Variants in CNTN3 observed in about 807,000 individuals in gnomAD.
CNTN3 encodes the protein contactin-3.
In CNTN3, 60 loss-of-function variants were observed where a neutral mutation model predicts 119.1. The observed-to-expected ratio is 0.50, with a 90% CI of 0.41 to 0.62. CNTN3 has a LOEUF of 0.62. Ranked by LOEUF, CNTN3 falls within the 20% of genes least tolerant of loss-of-function variation. The pLI, the probability that CNTN3 is intolerant of heterozygous loss-of-function variation, is 0.00. For missense variants in CNTN3, 1,101 were observed against 1,242.4 expected (o/e 0.89, Z 1.71); for synonymous variants, 450 against 438.7 (o/e 1.03, Z -0.32).
At chr3:74,490,766 G>T (rs549194671) in intron 3 of CNTN3, among the ~76,000 whole-genome samples, 1 of 152,126 alleles carries the variant, frequency 6.6e-6, no homozygotes, top group Non-Finnish European at 1.5e-5. Context: ...AAAAGGCAAA[G>T]ACTATTATTT....
At chr3:74,500,540 T>C in intron 2 of CNTN3, among the ~76,000 whole-genome samples, 1 of 151,230 alleles carries the variant, frequency 6.6e-6, no homozygotes. Flanking sequence ...ACTTTCCTAT[T>C]TTGCTTGGAA....
Position 74,582,328 on chromosome 3 carries a change from C to G in CNTN3, c.-81+32063G>C, listed in dbSNP as rs535386251. Among the ~76,000 whole-genome samples, 6 of 152,006 alleles carry G rather than the reference C, an allele frequency of 3.9e-5. No homozygotes were observed. The South Asian group carries it at 1.2e-3, about 32-fold the overall frequency. On this transcript the variant is annotated intron_variant, in intron 1 of 22. Coordinates refer to ENST00000263665, the MANE Select transcript of CNTN3 (RefSeq NM_020872.3). ...GGCTGAGGCAGGAGAACGGCATGAA[C>G]CCGGGAGGCAGAGGCTGCAGTGAGC...
At chr3:74,329,475 A>T (rs1039339868) in intron 13 of CNTN3, among the ~76,000 whole-genome samples, 7 of 152,350 alleles carry the variant, frequency 4.6e-5, no homozygotes, top group Non-Finnish European at 8.8e-5. Context: ...ATATTTAAAC[A>T]TCCTTACAAT....
chr3:74,346,966 C>T (rs1054536971), intron 11 of CNTN3, among the ~76,000 whole-genome samples: 5 of 152,122 alleles, frequency 3.3e-5, no homozygotes, highest in Admixed American at 6.5e-5. Context: ...GAAAATTATA[C>T]GTACTTTTAA....
At chr3:74,313,739 A>C (rs1281427871) in intron 13 of CNTN3, among the ~76,000 whole-genome samples, 1 of 152,148 alleles carries the variant, frequency 6.6e-6, no homozygotes, top group Non-Finnish European at 1.5e-5. Context: ...CTGGATGGCA[A>C]AGCTGGCCTT....
chr3:74,398,506 G>A (rs988305869), intron 5 of CNTN3, among the ~76,000 whole-genome samples: 8 of 152,304 alleles, frequency 5.3e-5, no homozygotes, highest in African/African-American at 1.4e-4. Flanking sequence ...ATATGCATTA[G>A]GAAGCCAAAA....
chr3:74,443,612 G>T (rs555531533), intron 4 of CNTN3, among the ~76,000 whole-genome samples: 25 of 152,204 alleles, frequency 1.6e-4, no homozygotes, highest in Middle Eastern at 3.4e-3. Flanking sequence ...CAGTCAGATG[G>T]AAGTCCTTTC....
chr3:74,469,592 T>G (rs1702523178), intron 4 of CNTN3, among the ~76,000 whole-genome samples: 2 of 152,070 alleles, frequency 1.3e-5, no homozygotes, highest in East Asian at 3.9e-4. Context: ...AGTAAACACA[T>G]GAAAACAAGC....
At chr3:74,595,116 T>C (rs1288108063) in intron 1 of CNTN3, among the ~76,000 whole-genome samples, 1 of 151,954 alleles carries the variant, frequency 6.6e-6, no homozygotes, top group East Asian at 1.9e-4. Flanking sequence ...TGTCTGTTCA[T>C]ATACTTTGCC....
At chr3:74,328,734 T>A (rs1479327047) in intron 13 of CNTN3, among the ~76,000 whole-genome samples, 1 of 152,144 alleles carries the variant, frequency 6.6e-6, no homozygotes, top group Non-Finnish European at 1.5e-5. Flanking sequence ...ATCAACAGTT[T>A]TGTGTATTAC....
At chr3:74,386,593 T>C (rs1435467734) in intron 5 of CNTN3, among the ~76,000 whole-genome samples, 10 of 152,158 alleles carry the variant, frequency 6.6e-5, no homozygotes, top group Admixed American at 5.2e-4. Context: ...CAAAGCAAAT[T>C]AAAAGCAACA....
At chr3:74,343,438 T>G (rs1196534496) in intron 11 of CNTN3, among the ~76,000 whole-genome samples, 7 of 152,240 alleles carry the variant, frequency 4.6e-5, no homozygotes, top group African/African-American at 1.7e-4. Flanking sequence ...ACTCCAGTGA[T>G]TGTCCTTCTA....
chr3:74,318,137 T>G (rs1702881850), intron 13 of CNTN3, among the ~76,000 whole-genome samples: 1 of 152,232 alleles, frequency 6.6e-6, no homozygotes, highest in Admixed American at 6.5e-5. Context: ...CATCAGCTCC[T>G]GAGGTTTCTG....
chr3:74,428,520 T>C (rs901561229), intron 4 of CNTN3, among the ~76,000 whole-genome samples: 1 of 152,196 alleles, frequency 6.6e-6, no homozygotes, highest in Non-Finnish European at 1.5e-5. Context: ...AAAAAGCTTA[T>C]TGAATAAGTG....
chr3:74,499,904 A>G, intron 2 of CNTN3, 119 bp from the exon 3 acceptor site: 1 of 925,896 alleles, frequency 1.1e-6, no homozygotes, highest in Non-Finnish European at 1.6e-6. Context: ...ATTTGCATAC[A>G]AAGCAAAATG....
At chr3:74,456,753 C>T (rs1702277532) in intron 4 of CNTN3, among the ~76,000 whole-genome samples, 2 of 152,032 alleles carry the variant, frequency 1.3e-5, no homozygotes, top group Admixed American at 1.3e-4. Flanking sequence ...TAAAAAATTG[C>T]TGTGATTTTT....
rs115459533 is a variant in CNTN3 at position 74,336,497 on chromosome 3, C to G, written c.1492+34G>C. 1.5e-5 allele frequency: 24 copies of G among 1,604,310 alleles called. No individual in the cohort carries two copies. The South Asian group carries it at 2.7e-4, about 18-fold the overall frequency. On this transcript the variant is annotated intron_variant, in intron 12 of 22. Coordinates refer to ENST00000263665, the MANE Select transcript of CNTN3 (RefSeq NM_020872.3). ...ATAATAATACATCTTACAGTGAATC[C>G]GTATGTAAAGCAATATTTTAGAAAT...
rs1702461012 is a variant in CNTN3, at chr3:74,466,394, G to A, written c.358+20062C>T. On this transcript the variant is annotated intron_variant, in intron 4 of 22. Transcript: ENST00000263665. ...TGGATAAAATATCAATAACAAAGAT[G>A]TTCATAGTTCACAGTCAAAAACGGA... is the stretch of plus-strand genomic sequence containing the variant. 2.0e-5 allele frequency among the ~76,000 whole-genome samples: 3 copies of A among 152,092 alleles called. No individual in the cohort carries two copies. The South Asian group carries it at 6.2e-4, about 31-fold the overall frequency.
chr3:74,490,982 C>T lies in CNTN3; in HGVS notation c.183-4351G>A, dbSNP rs530621703. On this transcript the variant is annotated intron_variant, in intron 3 of 22. Transcript: ENST00000263665. ...CAGGTTATATAAAATTTCTCAATAT[C>T]TTATTAAACACTGATTGTTTTTCCT... Among the ~76,000 whole-genome samples the T allele has an allele frequency of 1.2e-3, 184 of 152,196 alleles. 1 individual carries two copies. The highest frequency in any genetic ancestry group is 1.6e-3 in the Non-Finnish European group (106 of 68,006).
Sources: allele counts gnomAD v4.1 joint callset (sites outside exome capture counted in the v4.1 genomes callset), GRCh38; gene constraint gnomAD v4.1.1; transcripts MANE v1.5; gene names NCBI Gene and HGNC (gene_info 2026-07-23, HGNC 2026-07-21).